IGF2R: variants seen among roughly 807,000 people sequenced by gnomAD.
IGF2R encodes the protein insulin like growth factor 2 receptor, also known as cation-independent mannose-6-phosphate receptor.
A neutral mutation model predicts 270.6 loss-of-function variants in IGF2R; 91 were observed. The observed-to-expected ratio is 0.34, with a 90% CI of 0.28 to 0.40. The LOEUF (loss-of-function observed/expected upper bound fraction) is 0.40. IGF2R is among the 10% of genes least tolerant of loss of function. The probability of loss-of-function intolerance (pLI) is 1.00; values close to 1 mark genes in which losing one functional copy is unlikely to be tolerated. For missense variants in IGF2R, 2,805 were observed against 3,188.3 expected, an observed-to-expected ratio of 0.88 and a Z score of 2.90; for synonymous variants, 1,316 against 1,258.9, an observed-to-expected ratio of 1.05 and a Z score of -0.96.
chr6:159,980,046 T>G (rs1404591839), intron 1 of IGF2R, among the ~76,000 whole-genome samples: 1 of 151,938 alleles, frequency 6.6e-6, no homozygotes, highest in Non-Finnish European at 1.5e-5. Flanking sequence ...ATGGGCGCGG[T>G]GGCGGGCGCC....
Position 160,093,923 on chromosome 6 carries a change from T to G in IGF2R, c.6656-2516T>G, listed in dbSNP as rs1247136552. 9.8e-6 allele frequency: 7 copies of G among 711,264 alleles called. No homozygotes were observed. The East Asian group carries it at 2.1e-4, about 21-fold the overall frequency. 44.1% of individuals were successfully genotyped at this position (711,264 alleles called of 1,614,324 possible). ...TCAGCATGGGGACAGTGCCATATCT[T>G]TATCACAGACTTTGCTAAGGTTTTG... On this transcript the variant is annotated intron_variant, in intron 44 of 47. Coordinates refer to ENST00000356956, the MANE Select transcript of IGF2R (RefSeq NM_000876.4).
At chr6:160,032,513 C>A in intron 7 of IGF2R, 38 bp from the exon 8 acceptor site, 1 of 1,587,566 alleles carries the variant, frequency 6.3e-7, no homozygotes, top group Non-Finnish European at 8.6e-7. Context: ...CTGCATGAAA[C>A]ATTTTTTATT....
In IGF2R at chr6:160,102,078, A is replaced by T. The variant is rs953444612; in HGVS notation, c.6843-441A>T. Among the ~76,000 whole-genome samples, 1 of 151,906 alleles carries T rather than the reference A, an allele frequency of 6.6e-6. No homozygotes were observed. The highest frequency in any genetic ancestry group is 2.4e-5 in the African/African-American group (1 of 41,324). ...CCCCCTGGGCCCCTTTCGTGTGGAG[A>T]TGGTGTCTCATGGTGGGCTGCGCTC... On this transcript the variant is annotated intron_variant, in intron 45 of 47. Transcript: ENST00000356956. This position sits in a 1 kb window ranked among gnomAD's most constrained non-coding sequence, Gnocchi z 4.5.
At chr6:160,033,552 A>G (rs1318631499) in intron 9 of IGF2R, among the ~76,000 whole-genome samples, 2 of 152,268 alleles carry the variant, frequency 1.3e-5, no homozygotes, top group Non-Finnish European at 2.9e-5. Context: ...ATTCCTTCCT[A>G]GTAGACTTCG....
Position 160,008,902 on chromosome 6 carries a change from A to G in IGF2R, c.290-108A>G, listed in dbSNP as rs368239842. The G allele has an allele frequency of 9.6e-5, 106 of 1,104,948 alleles. No individual in the cohort carries two copies. The African/African-American group carries it at 1.5e-3, about 16-fold the overall frequency. The allele number at this position is 1,104,948 out of a possible 1,614,324, so 68.4% of individuals were successfully genotyped here. ...GGAAAGGACAGTTTTATAAATTTAT[A>G]AGCTATCAGATACATTATAATGCTA... On this transcript the variant is annotated intron_variant, in intron 2 of 47. Coordinates refer to ENST00000356956, the MANE Select transcript of IGF2R (RefSeq NM_000876.4).
At position 160,006,210 on chromosome 6, in the gene IGF2R, C is replaced by CA. The variant is rs1235208416; in HGVS notation, c.290-2800_290-2799insA. ...GCCTGCTGCGCCCCACGCGCCTCCC[C>CA]CCTCGCGCCTCCCCCCTTCGCGCCT... is the stretch of plus-strand genomic sequence containing the variant. On this transcript the variant is annotated intron_variant, in intron 2 of 47. Coordinates refer to ENST00000356956, the MANE Select transcript of IGF2R (RefSeq NM_000876.4). 3.8e-5 allele frequency: 6 copies of CA among 157,578 alleles called. No individual in the cohort carries two copies. In the East Asian group the frequency reaches 7.7e-4, roughly 20 times the overall value. The allele number at this position is 157,578 out of a possible 1,614,324, so 9.8% of individuals were successfully genotyped here.
intron 1 of IGF2R, among the ~76,000 whole-genome samples, chr6:159,974,681 A>G (rs1783662219): frequency 6.6e-6 from 1 of 151,920 alleles, no homozygotes; most frequent in Non-Finnish European, 1.5e-5. Flanking sequence ...CCTGGCCTCT[A>G]CTCACTAGAT....
In IGF2R at chr6:159,994,680, C is replaced by A. The variant is rs915973138; in HGVS notation, c.289+3357C>A. Among the ~76,000 whole-genome samples the A allele has an allele frequency of 3.3e-5, 5 of 152,234 alleles. No individual in the cohort carries two copies. In the South Asian group the frequency reaches 1.0e-3, roughly 32 times the overall value. On this transcript the variant is annotated intron_variant, in intron 2 of 47. Transcript: ENST00000356956. ...ATTTCAAAAAATTTTTACATTTCAT[C>A]CTAACTTTGTCATTGACCCAAAGGT...
chr6:160,060,800 G>T, intron 23 of IGF2R, 83 bp downstream of exon 23: 5 of 1,361,478 alleles, frequency 3.7e-6, no homozygotes, highest in Middle Eastern at 2.3e-4. Context: ...GTTTCTGTGT[G>T]TATGTATATT....
At chr6:160,010,099 C>G (rs1784310213) in intron 3 of IGF2R, among the ~76,000 whole-genome samples, 1 of 152,188 alleles carries the variant, frequency 6.6e-6, no homozygotes, top group Admixed American at 6.5e-5. Flanking sequence ...GTTCACCATA[C>G]CAGAAATAGA....
In IGF2R at chr6:160,109,881, G is replaced by A. The variant is rs1222668866; in HGVS notation, c.*4797G>A. On this transcript the variant is annotated 3_prime_UTR_variant, in exon 48 of 48. Coordinates refer to ENST00000356956, the MANE Select transcript of IGF2R (RefSeq NM_000876.4). Reference sequence around the variant, plus strand: ...TGGGTCTAACTGCAAAATCATACTTGAACTAGAAAATCCCGTTGGCATAGG... The same window carrying A: ...TGGGTCTAACTGCAAAATCATACTTAAACTAGAAAATCCCGTTGGCATAGG... The A allele has an allele frequency of 6.6e-6, 1 of 152,152 alleles. No individual in the cohort carries two copies. Among genetic ancestry groups the A allele is most frequent in the Non-Finnish European group, 1.5e-5 (1 of 68,048 alleles). 9.4% of individuals were successfully genotyped at this position (152,152 alleles called of 1,614,324 possible).
At chr6:159,984,374 T>C (rs1313499043) in intron 1 of IGF2R, among the ~76,000 whole-genome samples, 3 of 152,138 alleles carry the variant, frequency 2.0e-5, no homozygotes, top group East Asian at 1.9e-4. Context: ...CCCACTGCGC[T>C]ACCAGTCTTA....
At chr6:159,990,692 C>T (rs868483099) in intron 1 of IGF2R, among the ~76,000 whole-genome samples, 1 of 151,980 alleles carries the variant, frequency 6.6e-6, no homozygotes, top group Non-Finnish European at 1.5e-5. Flanking sequence ...TGCAGTGGCA[C>T]GATCTCGGCT....
intron 43 of IGF2R, 59 bp downstream of exon 43, chr6:160,089,312 C>A: frequency 1.4e-6 from 2 of 1,471,972 alleles, no homozygotes; most frequent in Non-Finnish European, 1.9e-6. Context: ...ACCAGCAATG[C>A]CGCTCTTTCC....
At chr6:160,098,775 C>T (rs1322067460) in intron 45 of IGF2R, among the ~76,000 whole-genome samples, 1 of 152,076 alleles carries the variant, frequency 6.6e-6, no homozygotes, top group Admixed American at 6.6e-5. Flanking sequence ...GCCGAGATGG[C>T]GTCACTGTAC....
At chr6:160,024,497 G>A (rs1237345636) in intron 4 of IGF2R, 75 bp from the exon 5 acceptor site, 1 of 1,406,116 alleles carries the variant, frequency 7.1e-7, no homozygotes, top group Non-Finnish European at 1.0e-6. Context: ...GCAGTGTTGT[G>A]TGACATTGGT....
At chr6:159,979,316 C>T (rs2115170823) in intron 1 of IGF2R, among the ~76,000 whole-genome samples, 1 of 152,314 alleles carries the variant, frequency 6.6e-6, no homozygotes, top group South Asian at 2.1e-4. Context: ...AATAGAGTGC[C>T]AAGCCACCAG....
intron 1 of IGF2R, among the ~76,000 whole-genome samples, chr6:159,981,768 G>A (rs900361536): frequency 2.0e-5 from 3 of 152,132 alleles, no homozygotes; most frequent in African/African-American, 7.2e-5. Context: ...CTCTATTCCA[G>A]GTGACCTCTG....
At chr6:160,011,593 CTT>C (rs1164456926) in intron 4 of IGF2R, among the ~76,000 whole-genome samples, 1 of 133,486 alleles carries the variant, frequency 7.5e-6, no homozygotes, top group Non-Finnish European at 1.5e-5. Context: ...AATCTACTCT[CTT>C]AGTGATACGC....
Sources: allele counts gnomAD v4.1 joint callset (sites outside exome capture counted in the v4.1 genomes callset), GRCh38; gene constraint gnomAD v4.1.1; non-coding constraint Gnocchi (gnomAD v3.1); transcripts MANE v1.5; gene names NCBI Gene and HGNC (gene_info 2026-07-23, HGNC 2026-07-21).